SERPINI2: variants seen among roughly 807,000 people sequenced by gnomAD.
SERPINI2 encodes the protein serpin I2.
In SERPINI2, 48 loss-of-function variants were observed where a neutral mutation model predicts 47.3. The observed-to-expected ratio is 1.02, with a 90% CI of 0.81 to 1.29. The LOEUF is 1.29. Among genes scored for constraint, SERPINI2 ranks in the 50% most tolerant of loss-of-function variants. The pLI is 0.00. For synonymous variants in SERPINI2, 135 were observed against 149.3 expected (o/e 0.90, Z 0.70); for missense variants, 448 against 456.9 (o/e 0.98, Z 0.18).
At chr3:167,456,440 G>T (rs1749794853) in intron 5 of SERPINI2, among the ~76,000 whole-genome samples, 1 of 152,036 alleles carries the variant, frequency 6.6e-6, no homozygotes, top group Admixed American at 6.5e-5. Context: ...ATAGATCCAA[G>T]GCTGGCCAAG....
chr3:167,460,306 T>A (rs1209675142), intron 5 of SERPINI2, among the ~76,000 whole-genome samples: 2 of 152,230 alleles, frequency 1.3e-5, no homozygotes, highest in African/African-American at 4.8e-5. Context: ...CCCAAACATT[T>A]ATTGAGCCTA....
chr3:167,473,941 T>A (rs1750417618), intron 1 of SERPINI2, 62 bp downstream of exon 1: 2 of 1,192,166 alleles, frequency 1.7e-6, no homozygotes, highest in Non-Finnish European at 1.0e-6. Context: ...CTACTAAACA[T>A]TCATAGGCAA....
intron 5 of SERPINI2, among the ~76,000 whole-genome samples, chr3:167,461,083 G>A (rs999985883): frequency 1.3e-5 from 2 of 152,166 alleles, no homozygotes; most frequent in East Asian, 3.9e-4. Flanking sequence ...ATGTTTGAGT[G>A]CAATAACTTC....
chr3:167,449,238 C>T (rs1749572039), intron 7 of SERPINI2, 78 bp downstream of exon 7: 1 of 988,936 alleles, frequency 1.0e-6, no homozygotes. Flanking sequence ...GAGTACAATA[C>T]TTCAAAAGGG....
At chr3:167,460,111 G>A (rs1191056801) in intron 5 of SERPINI2, among the ~76,000 whole-genome samples, 1 of 152,172 alleles carries the variant, frequency 6.6e-6, no homozygotes, top group African/African-American at 2.4e-5. Context: ...ATCAATTTCT[G>A]TTGTTCTAAG....
intron 1 of SERPINI2, among the ~76,000 whole-genome samples, chr3:167,472,573 A>T (rs192937303): frequency 1.4e-4 from 22 of 152,096 alleles, no homozygotes. Flanking sequence ...CCATGTAGCA[A>T]ACCTGCACAT....
At chr3:167,448,117 G>A (rs1025711268) in intron 7 of SERPINI2, among the ~76,000 whole-genome samples, 1 of 152,082 alleles carries the variant, frequency 6.6e-6, no homozygotes, top group African/African-American at 2.4e-5. Context: ...ATTATTTTAG[G>A]GCTTTTTTCT....
At chr3:167,463,414 TTC>T (rs143001698) in intron 5 of SERPINI2, among the ~76,000 whole-genome samples, 1,900 of 152,206 alleles carry the variant, frequency 0.012, 34 homozygotes, top group African/African-American at 0.044. Context: ...ACAGGGATAT[TTC>T]TGAGAGAGAG....
intron 5 of SERPINI2, among the ~76,000 whole-genome samples, chr3:167,462,539 C>T (rs1029198778): frequency 2.6e-5 from 4 of 152,142 alleles, no homozygotes; most frequent in South Asian, 2.1e-4. Flanking sequence ...GATTAGAGCC[C>T]GGCCTAATGA....
chr3:167,451,247 C>T (rs1245279320), intron 6 of SERPINI2, among the ~76,000 whole-genome samples: 2 of 152,196 alleles, frequency 1.3e-5, no homozygotes, highest in African/African-American at 4.8e-5. Flanking sequence ...TATTTTACTA[C>T]AGGTTACACA....
At chr3:167,463,319 G>T (rs1418251368) in intron 5 of SERPINI2, among the ~76,000 whole-genome samples, 1 of 152,080 alleles carries the variant, frequency 6.6e-6, no homozygotes, top group Non-Finnish European at 1.5e-5. Context: ...TTGAAAAAAA[G>T]AATAATATCA....
At chr3:167,456,463 T>G (rs1642534216) in intron 5 of SERPINI2, among the ~76,000 whole-genome samples, 1 of 152,158 alleles carries the variant, frequency 6.6e-6, no homozygotes, top group Non-Finnish European at 1.5e-5. Context: ...TAGAATTAAT[T>G]TCTAGCCAGC....
exon 4 of SERPINI2, chr3:167,465,588 A>G (rs575123639): frequency 6.2e-6 from 10 of 1,613,712 alleles, no homozygotes; most frequent in South Asian, 5.5e-5. Context: ...TCTGTTTCCA[A>G]TCTCCTTTGA....
intron 5 of SERPINI2, among the ~76,000 whole-genome samples, chr3:167,454,642 T>C (rs1749736189): frequency 6.6e-6 from 1 of 152,190 alleles, no homozygotes; most frequent in South Asian, 2.1e-4. Context: ...TTATTACAAC[T>C]TCTAATAATG....
chr3:167,454,697 A>G (rs1383460612), intron 5 of SERPINI2, among the ~76,000 whole-genome samples: 1 of 152,182 alleles, frequency 6.6e-6, no homozygotes, highest in Non-Finnish European at 1.5e-5. Flanking sequence ...TCCTGCTCAT[A>G]ATATAGTCCA....
At chr3:167,473,046 G>T (rs1271566908) in intron 1 of SERPINI2, among the ~76,000 whole-genome samples, 5 of 151,628 alleles carry the variant, frequency 3.3e-5, no homozygotes, top group Admixed American at 3.3e-4. Flanking sequence ...TACCATAAAT[G>T]GTAGGAGTCC....
upstream of SERPINI2, among the ~76,000 whole-genome samples, chr3:167,475,880 T>C (rs1750469801): frequency 6.6e-6 from 1 of 151,754 alleles, no homozygotes; most frequent in Non-Finnish European, 1.5e-5. Flanking sequence ...CTTATCCTTT[T>C]ATAGTTTTTT....
intron 5 of SERPINI2, among the ~76,000 whole-genome samples, chr3:167,463,301 A>T (rs1048941168): frequency 6.6e-6 from 1 of 152,232 alleles, no homozygotes; most frequent in Non-Finnish European, 1.5e-5. Flanking sequence ...TGCTAAAAAA[A>T]ATATTCTTTG....
chr3:167,454,091 TC>T (rs760155957), intron 5 of SERPINI2, among the ~76,000 whole-genome samples: 23 of 152,218 alleles, frequency 1.5e-4, no homozygotes, highest in Admixed American at 1.3e-3. Flanking sequence ...ACCCCTGTGC[TC>T]CCCAGTTAGA....
Sources: allele counts gnomAD v4.1 joint callset (sites outside exome capture counted in the v4.1 genomes callset), GRCh38; gene constraint gnomAD v4.1.1; transcripts MANE v1.5; gene names NCBI Gene and HGNC (gene_info 2026-07-23, HGNC 2026-07-21).